CDC20B: variants seen among roughly 807,000 people sequenced by gnomAD.
CDC20B encodes cell division cycle 20B, also known as cell division cycle protein 20 homolog B.
CDC20B carries 58 observed loss-of-function variants against 64.1 expected under a neutral mutation model. The ratio of observed to expected loss-of-function variants is 0.90; its 90% CI spans 0.73 to 1.13. The LOEUF is 1.13. CDC20B is among the 50% of genes most tolerant of loss of function. The pLI, the probability that CDC20B is intolerant of heterozygous loss-of-function variation, is 0.00. For missense variants in CDC20B, 597 were observed against 633.0 expected (o/e 0.94, Z 0.61); for synonymous variants, 243 against 230.6 (o/e 1.05, Z -0.49).
chr5:55,122,526 G>A (rs903358274), intron 9 of CDC20B, among the ~76,000 whole-genome samples: 17 of 152,066 alleles, frequency 1.1e-4, no homozygotes, highest in Non-Finnish European at 1.9e-4. Context: ...TCTGAGCCTC[G>A]CCCATTCCCT....
intron 6 of CDC20B, among the ~76,000 whole-genome samples, chr5:55,131,269 T>C (rs187858175): frequency 1.4e-3 from 211 of 152,346 alleles, no homozygotes; most frequent in Non-Finnish European, 2.5e-3. Flanking sequence ...ATAGTAACTC[T>C]ACGTAGACTA....
chr5:55,141,817 T>A (rs781348404), intron 4 of CDC20B, among the ~76,000 whole-genome samples: 1 of 152,204 alleles, frequency 6.6e-6, no homozygotes, highest in Admixed American at 6.5e-5. Context: ...CAATTCATTG[T>A]TGTGGGAGCT....
intron 2 of CDC20B, among the ~76,000 whole-genome samples, chr5:55,156,257 CAT>C (rs2111916697): frequency 6.6e-6 from 1 of 152,286 alleles, no homozygotes; most frequent in Admixed American, 6.5e-5. Context: ...CCCCACCCTT[CAT>C]ATGTGGGGAT....
intron 2 of CDC20B, chr5:55,161,018 A>G: frequency 1.2e-6 from 2 of 1,613,688 alleles, no homozygotes; most frequent in South Asian, 1.1e-5. Flanking sequence ...AAACGTGGCC[A>G]GTGACTGCCA....
chr5:55,136,556 C>G (rs1257979011), intron 5 of CDC20B: 1 of 145,152 alleles, frequency 6.9e-6, no homozygotes, highest in Non-Finnish European at 1.5e-5. Flanking sequence ...AAGACTTCAT[C>G]TCAAAAAAAA....
chr5:55,156,302 C>T (rs891709330), intron 2 of CDC20B, among the ~76,000 whole-genome samples: 3 of 152,182 alleles, frequency 2.0e-5, no homozygotes, highest in Non-Finnish European at 4.4e-5. Flanking sequence ...TGGGTGGGGA[C>T]ACAGCCAAAC....
chr5:55,151,581 T>G (rs949319390), intron 2 of CDC20B, among the ~76,000 whole-genome samples: 1 of 152,256 alleles, frequency 6.6e-6, no homozygotes, highest in African/African-American at 2.4e-5. Context: ...TTGGATGCTA[T>G]GTCAGCTATG....
chr5:55,143,540 C>A lies in CDC20B; in HGVS notation c.459G>T (p.Trp153Cys), dbSNP rs1410592150. The A allele has an allele frequency of 3.7e-6, 6 of 1,604,812 alleles. No individual in the cohort carries two copies. The highest frequency in any genetic ancestry group is 5.1e-6 in the Non-Finnish European group (6 of 1,175,554). Residue 153 changes from tryptophan to cysteine, a missense_variant, in exon 4 of 12, where the codon TGG becomes TGT. By Grantham distance (215) the Trp-to-Cys change is radical (BLOSUM62 -2). This residue lies in a region of CDC20B where 241 missense variants were observed against 219.2 expected (regional missense o/e 1.10). Transcript: ENST00000381375. ...CKAPHAMDRD[W>C]KESVASKGQK... ...GCCCTTTTGAGGCAACACTTTCTTT[C>A]CAGTCTCTGTCCATTGCATGAGGTG...
intron 11 of CDC20B, among the ~76,000 whole-genome samples, chr5:55,116,515 C>T (rs971928224): frequency 1.3e-5 from 2 of 152,180 alleles, no homozygotes; most frequent in East Asian, 3.9e-4. Context: ...GTGGTGCAAA[C>T]ACAGCTCACT....
At chr5:55,129,462 C>T in intron 6 of CDC20B, among the ~76,000 whole-genome samples, 1 of 152,114 alleles carries the variant, frequency 6.6e-6, no homozygotes, top group Non-Finnish European at 1.5e-5. Context: ...CCAGCGAAGA[C>T]TCTGACAAAA....
intron 5 of CDC20B, chr5:55,137,750 G>C: frequency 2.2e-6 from 1 of 446,728 alleles, no homozygotes. Context: ...ACTTTTTTAA[G>C]GGGTGAAGAC....
intron 3 of CDC20B, among the ~76,000 whole-genome samples, chr5:55,144,644 T>G (rs1743422252): frequency 6.6e-6 from 1 of 152,252 alleles, no homozygotes; most frequent in Non-Finnish European, 1.5e-5. Context: ...TGAGAAATTA[T>G]GCATGCTTGC....
chr5:55,160,828 A>G lies in CDC20B; in HGVS notation c.126+11760T>C, dbSNP rs149647224. 1,024 of 651,902 alleles carry G rather than the reference A, an allele frequency of 1.6e-3. 2 individuals carry two copies. Among genetic ancestry groups the G allele is most frequent in the African/African-American group, 0.015 (822 of 54,452 alleles). The allele number at this position is 651,902 out of a possible 1,614,324, so 40.4% of individuals were successfully genotyped here. A position where few individuals can be genotyped will look rare whatever the true frequency, so the allele number is the denominator to read the frequency against. ...ACTATTTCAGGGCCTTAACCCAGGC[A>G]TCTAGGTTACAGTTTTCAATAGAAC... On this transcript the variant is annotated intron_variant, in intron 2 of 11. Transcript: ENST00000381375.
rs1386173992 is a variant in CDC20B, at chr5:55,172,580, G to A, written c.126+8C>T. 1.2e-5 allele frequency: 20 copies of A among 1,604,190 alleles called. No individual in the cohort carries two copies. The highest frequency in any genetic ancestry group is 8.5e-7 in the Non-Finnish European group (1 of 1,171,104). The stretch of plus-strand genomic sequence containing the variant: ...AAAACAGAGAACAAGAACAAGCCCT[G>A]GACTCACGTTGGCGGAATCTTGACT... On this transcript the variant is annotated splice_region_variant and intron_variant, in intron 2 of 11. Transcript: ENST00000381375.
intron 2 of CDC20B, among the ~76,000 whole-genome samples, chr5:55,150,483 C>A (rs559681188): frequency 4.4e-4 from 67 of 152,350 alleles, no homozygotes; most frequent in Admixed American, 3.4e-3. Flanking sequence ...TCTGTGCTCT[C>A]CCCACCAGCT....
At chr5:55,161,346 G>A in intron 2 of CDC20B, 1 of 1,235,194 alleles carries the variant, frequency 8.1e-7, no homozygotes. Flanking sequence ...CATTTGAAAC[G>A]TTGTATCGGG....
chr5:55,164,195 A>G, intron 2 of CDC20B: 1 of 1,558,184 alleles, frequency 6.4e-7, no homozygotes, highest in Non-Finnish European at 8.7e-7. Flanking sequence ...ACAAGTGATC[A>G]TAAAAAAGAA....
chr5:55,122,410 T>C (rs551644627), intron 9 of CDC20B, among the ~76,000 whole-genome samples: 1 of 152,212 alleles, frequency 6.6e-6, no homozygotes, highest in East Asian at 1.9e-4. Context: ...GTGCTGGGAT[T>C]ACAGGCATGA....
chr5:55,172,466 A>T, intron 2 of CDC20B, 122 bp downstream of exon 2: 1 of 758,386 alleles, frequency 1.3e-6, no homozygotes, highest in South Asian at 1.6e-5. Flanking sequence ...GTATGTAATA[A>T]GATACTAAAA....
Sources: gnomAD v4.1 joint callset for allele counts (sites outside exome capture counted in the v4.1 genomes callset) on GRCh38, gnomAD v4.1.1 for gene constraint, gnomAD v4.1.1 regional missense constraint, MANE v1.5 for transcripts, NCBI Gene and HGNC (gene_info 2026-07-23, HGNC 2026-07-21) for gene names.